LMO7: variants seen among roughly 807,000 people sequenced by gnomAD.
LMO7 encodes LIM domain only protein 7.
LMO7 carries 120 observed loss-of-function variants against 206.5 expected under a neutral mutation model. The observed-to-expected ratio is 0.58, with a 90% CI of 0.50 to 0.68. The LOEUF is 0.68. Ranked by LOEUF, LMO7 falls within the 30% of genes least tolerant of loss-of-function variation. LMO7 has a pLI of 0.00. For missense variants in LMO7, 1,959 were observed against 1,957.9 expected (o/e 1.00, Z -0.01); for synonymous variants, 706 against 681.5 (o/e 1.04, Z -0.56).
intron 4 of LMO7, among the ~76,000 whole-genome samples, chr13:75,772,703 A>T (rs895619885): frequency 6.6e-6 from 1 of 152,164 alleles, no homozygotes; most frequent in Non-Finnish European, 1.5e-5. Context: ...AAAGAAAAAC[A>T]TGTTAATGTG....
chr13:75,853,304 C>T lies in LMO7; in HGVS notation c.4577C>T (p.Thr1526Ile). The T allele has an allele frequency of 6.2e-7, 1 of 1,614,110 alleles. No individual in the cohort carries two copies. ...PPSAGSVKTS[T>I]TGVATTQSPT... Reference sequence around the variant, plus strand: ...TCAGCTGGCTCCGTGAAGACCTCCACCACAGGTGTGGCCACCACACAGTCC... The same window carrying T: ...TCAGCTGGCTCCGTGAAGACCTCCATCACAGGTGTGGCCACCACACAGTCC... The change falls in exon 28 of 31, where the codon ACC becomes ATC. Residue 1526 changes from threonine to isoleucine, a missense_variant. Thr to Ile is a moderately conservative substitution (Grantham distance 89, BLOSUM62 -1). Coordinates refer to ENST00000377534, the MANE Select transcript of LMO7 (RefSeq NM_001306080.2).
intron 3 of LMO7, among the ~76,000 whole-genome samples, chr13:75,731,281 A>G (rs2045184050): frequency 1.3e-5 from 2 of 151,930 alleles, no homozygotes; most frequent in Admixed American, 1.3e-4. Flanking sequence ...TTTGTTGGTC[A>G]CTCAGGACTT....
chr13:75,838,639 A>G (rs2059346288), intron 20 of LMO7, among the ~76,000 whole-genome samples: 1 of 152,174 alleles, frequency 6.6e-6, no homozygotes, highest in Non-Finnish European at 1.5e-5. Context: ...TGTGGAAAAC[A>G]CTGTTAATAA....
intron 1 of LMO7, among the ~76,000 whole-genome samples, chr13:75,670,111 C>T (rs2039428793): frequency 6.6e-6 from 1 of 152,214 alleles, no homozygotes; most frequent in South Asian, 2.1e-4. Context: ...ACATACACCT[C>T]TCTCCTCCTC....
rs138531229 is a variant in LMO7, at chr13:75,624,993, C to T, written c.225+1673C>T. ...CTATAGCACAATATAGGATGGTGGT[C>T]GGCATGAGAAATGCTGCCTGTGTTG... is the stretch of plus-strand genomic sequence containing the variant. On this transcript the variant is annotated intron_variant, in intron 2 of 29. Coordinates refer to the LMO7 transcript ENST00000341547. 5.9e-5 allele frequency among the ~76,000 whole-genome samples: 9 copies of T among 152,270 alleles called. No individual in the cohort carries two copies. The South Asian group carries it at 8.3e-4, about 14-fold the overall frequency.
At chr13:75,783,697 G>A (rs1286860677) in intron 4 of LMO7, among the ~76,000 whole-genome samples, 1 of 152,204 alleles carries the variant, frequency 6.6e-6, no homozygotes, top group Non-Finnish European at 1.5e-5. Context: ...AAGGTGGCAA[G>A]AATGTTGAGC....
intron 6 of LMO7, among the ~76,000 whole-genome samples, chr13:75,797,823 G>A (rs970302876): frequency 2.6e-5 from 4 of 152,160 alleles, no homozygotes; most frequent in Admixed American, 6.5e-5. Context: ...CAATAACGCT[G>A]TATTCAAATT....
chr13:75,660,116 A>G (rs1256918555), intron 1 of LMO7, among the ~76,000 whole-genome samples: 3 of 152,212 alleles, frequency 2.0e-5, no homozygotes, highest in Non-Finnish European at 4.4e-5. Context: ...CGGAGTATTC[A>G]TTTAGAAGAT....
chr13:75,813,282 A>G (rs1056964724), intron 11 of LMO7, among the ~76,000 whole-genome samples: 9 of 152,122 alleles, frequency 5.9e-5, no homozygotes, highest in Non-Finnish European at 1.2e-4. Context: ...CAGCTTGGAG[A>G]GTTAGCTTTT....
chr13:75,772,671 G>A (rs189898287), intron 4 of LMO7, among the ~76,000 whole-genome samples: 24 of 152,216 alleles, frequency 1.6e-4, no homozygotes, highest in African/African-American at 5.1e-4. Context: ...AAGACTAAAT[G>A]AAGGAATTCT....
At chr13:75,672,265 G>A (rs1252632821) in intron 1 of LMO7, among the ~76,000 whole-genome samples, 1 of 147,358 alleles carries the variant, frequency 6.8e-6, no homozygotes, top group African/African-American at 2.5e-5. Flanking sequence ...TTTTGAGATG[G>A]AGTTTTGCTC....
chr13:75,702,348 G>C (rs1017371162), intron 1 of LMO7, among the ~76,000 whole-genome samples: 1 of 152,106 alleles, frequency 6.6e-6, no homozygotes, highest in Non-Finnish European at 1.5e-5. Context: ...TGAAAGTTGG[G>C]GTAGCAGGCA....
At chr13:75,737,744 C>T (rs1177768150) in intron 3 of LMO7, among the ~76,000 whole-genome samples, 3 of 56,892 alleles carry the variant, frequency 5.3e-5, no homozygotes, top group Admixed American at 2.6e-4. Flanking sequence ...CAGAGCGAGA[C>T]TCCGTCTCAA....
At position 75,847,651 on chromosome 13, in the gene LMO7, CA is replaced by C. The variant is rs1595508092; in HGVS notation, c.4151-1426del. On this transcript the variant is annotated intron_variant, in intron 26 of 30. Coordinates refer to ENST00000377534, the MANE Select transcript of LMO7 (RefSeq NM_001306080.2). ...CTGTTTCCTTTTAGAGTTGTTACAG[CA>C]AGCATTTGAGCATGTTCTTGATTGA... Among the ~76,000 whole-genome samples the C allele has an allele frequency of 3.3e-5, 5 of 152,172 alleles. No individual in the cohort carries two copies. In the East Asian group the frequency reaches 9.6e-4, roughly 29 times the overall value.
At chr13:75,849,361 T>C in intron 27 of LMO7, 69 bp downstream of exon 27, 1 of 1,223,078 alleles carries the variant, frequency 8.2e-7, no homozygotes, top group Non-Finnish European at 1.2e-6. Flanking sequence ...GTAGACATCC[T>C]GGTGCTTTGG....
chr13:75,842,828 C>T lies in LMO7; in HGVS notation c.4032-23C>T, dbSNP rs776098145. On this transcript the variant is annotated intron_variant, in intron 24 of 30. Coordinates refer to ENST00000377534, the MANE Select transcript of LMO7 (RefSeq NM_001306080.2). ...GGCTTAAAGTCTAATATTTTGACAA[C>T]AAAATCTTTTTCTATCTTTTAGGCC... 6.6e-6 allele frequency: 10 copies of T among 1,506,986 alleles called. No individual in the cohort carries two copies. The South Asian group carries it at 1.0e-4, about 16-fold the overall frequency. 93.4% of individuals were successfully genotyped at this position (1,506,986 alleles called of 1,614,324 possible). A position where few individuals can be genotyped will look rare whatever the true frequency, so the allele number is the denominator to read the frequency against.
chr13:75,753,906 A>C (rs2047469780), intron 3 of LMO7, among the ~76,000 whole-genome samples: 1 of 152,208 alleles, frequency 6.6e-6, no homozygotes, highest in Non-Finnish European at 1.5e-5. Flanking sequence ...GGCATCTTTA[A>C]AAAATAATTT....
chr13:75,827,382 A>T (rs570684835), intron 15 of LMO7, among the ~76,000 whole-genome samples: 39 of 152,314 alleles, frequency 2.6e-4, no homozygotes, highest in South Asian at 6.2e-4. Context: ...CTATCACAGC[A>T]TTGCACTAAT....
chr13:75,842,004 G>T, intron 24 of LMO7, 21 bp downstream of exon 24: 2 of 1,573,278 alleles, frequency 1.3e-6, no homozygotes, highest in African/African-American at 1.4e-5. Context: ...ACAGCCAGAG[G>T]GTACAAAGGC....
Sources: gnomAD v4.1 joint callset for allele counts (sites outside exome capture counted in the v4.1 genomes callset) on GRCh38, gnomAD v4.1.1 for gene constraint, MANE v1.5 for transcripts, NCBI Gene and HGNC (gene_info 2026-07-23, HGNC 2026-07-21) for gene names.